The following PSD3 variants were observed in gnomAD, a reference collection of about 807,000 sequenced individuals.
PSD3 encodes the protein PH and SEC7 domain-containing protein 3.
In PSD3, 49 loss-of-function variants were observed where a neutral mutation model predicts 105.5. The ratio of observed to expected loss-of-function variants is 0.46; its 90% CI spans 0.37 to 0.59. The LOEUF is 0.59. Ranked by LOEUF, PSD3 falls within the 20% of genes least tolerant of loss-of-function variation. The probability of loss-of-function intolerance (pLI) is 0.00; values close to 1 mark genes in which losing one functional copy is unlikely to be tolerated. For missense variants in PSD3, 1,561 were observed against 1,263.8 expected, an observed-to-expected ratio of 1.24 and a Z score of -3.57; for synonymous variants, 557 against 457.8, an observed-to-expected ratio of 1.22 and a Z score of -2.77.
intron 1 of PSD3, among the ~76,000 whole-genome samples, chr8:18,959,881 A>C (rs1348229748): frequency 6.6e-6 from 1 of 152,142 alleles, no homozygotes; most frequent in Admixed American, 6.5e-5. Flanking sequence ...CAAATTCACC[A>C]ATCAGATAAG....
At chr8:18,771,953 T>C (rs1387923114) in intron 8 of PSD3, among the ~76,000 whole-genome samples, 1 of 152,224 alleles carries the variant, frequency 6.6e-6, no homozygotes, top group Admixed American at 6.5e-5. Context: ...TTAACAACTT[T>C]ACTTACCTCA....
intron 11 of PSD3, among the ~76,000 whole-genome samples, chr8:18,607,685 A>AG (rs1563372376): frequency 1.6e-5 from 2 of 124,828 alleles, no homozygotes; most frequent in South Asian, 2.5e-4. Context: ...CACTGCTACA[A>AG]AAAAAAAAAA....
chr8:18,674,181 G>C (rs1209141335), intron 9 of PSD3, among the ~76,000 whole-genome samples: 1 of 151,968 alleles, frequency 6.6e-6, no homozygotes, highest in African/African-American at 2.4e-5. Flanking sequence ...AAGGGTATGC[G>C]GCTATCAAAG....
At chr8:19,012,385 C>T (rs914257834) in intron 1 of PSD3, among the ~76,000 whole-genome samples, 22 of 152,208 alleles carry the variant, frequency 1.4e-4, no homozygotes, top group African/African-American at 4.6e-4. Flanking sequence ...AAGAAAACCT[C>T]TTGGTTTGTA....
chr8:18,648,415 A>T (rs2130824790), intron 10 of PSD3, among the ~76,000 whole-genome samples: 1 of 152,306 alleles, frequency 6.6e-6, no homozygotes. Context: ...TGCCCTAGGG[A>T]TCTGTGGAAT....
intron 10 of PSD3, among the ~76,000 whole-genome samples, chr8:18,650,443 T>C (rs1028245850): frequency 6.6e-6 from 1 of 152,230 alleles, no homozygotes; most frequent in Non-Finnish European, 1.5e-5. Context: ...GATGCTTCAC[T>C]AATAATGAAC....
At chr8:18,718,826 C>T (rs1363373027) in intron 9 of PSD3, among the ~76,000 whole-genome samples, 3 of 152,026 alleles carry the variant, frequency 2.0e-5, no homozygotes, top group Non-Finnish European at 4.4e-5. Context: ...TGCAAAAAAA[C>T]CCCACCTAAA....
intron 10 of PSD3, among the ~76,000 whole-genome samples, chr8:18,633,675 G>C (rs1192874170): frequency 6.6e-6 from 1 of 152,060 alleles, no homozygotes; most frequent in Non-Finnish European, 1.5e-5. Flanking sequence ...AGGGCATCTA[G>C]GTTAATTCCA....
At chr8:18,843,035 C>T (rs528466863) in intron 4 of PSD3, among the ~76,000 whole-genome samples, 59 of 152,282 alleles carry the variant, frequency 3.9e-4, no homozygotes, top group African/African-American at 1.4e-3. Flanking sequence ...CTCAAAAAGG[C>T]TGCCTTTGCT....
chr8:18,645,928 C>A (rs2130815111), intron 10 of PSD3, among the ~76,000 whole-genome samples: 1 of 152,206 alleles, frequency 6.6e-6, no homozygotes, highest in East Asian at 1.9e-4. Context: ...AAATGCCAAG[C>A]TCCCTACCTC....
chr8:19,011,249 T>C (rs1024070133), intron 1 of PSD3, among the ~76,000 whole-genome samples: 5 of 152,198 alleles, frequency 3.3e-5, no homozygotes, highest in African/African-American at 1.2e-4. Context: ...CCTCAGCATC[T>C]CTTAACCAAG....
At chr8:18,929,567 G>A (rs1821602191) in intron 2 of PSD3, among the ~76,000 whole-genome samples, 1 of 152,044 alleles carries the variant, frequency 6.6e-6, no homozygotes, top group South Asian at 2.1e-4. Flanking sequence ...ACCCCACCTC[G>A]TAGAAACCCA....
At chr8:18,640,308 T>C (rs1449961083) in intron 10 of PSD3, among the ~76,000 whole-genome samples, 1 of 152,102 alleles carries the variant, frequency 6.6e-6, no homozygotes. Context: ...AGTTTTACCA[T>C]GCAAACCCTC....
chr8:19,025,017 A>G lies in PSD3; in HGVS notation c.324+59189T>C, dbSNP rs73594677. On this transcript the variant is annotated intron_variant, in intron 1 of 1. Coordinates refer to the PSD3 transcript ENST00000521475. ...ACAGGATAGTCATAGCAGAACAGAA[A>G]ATTCCAAGCAGCAGTCTCATGACTA... Among the ~76,000 whole-genome samples the G allele has an allele frequency of 5.0e-3, 762 of 152,276 alleles. 11 individuals are homozygous for G. The highest frequency in any genetic ancestry group is 0.018 in the African/African-American group (740 of 41,548).
At chr8:18,576,811 C>T (rs1369607606) in intron 12 of PSD3, among the ~76,000 whole-genome samples, 2 of 151,996 alleles carry the variant, frequency 1.3e-5, no homozygotes, top group East Asian at 1.9e-4. Context: ...TATGCCACCT[C>T]CATTTCCATA....
chr8:18,944,806 G>A (rs1034933444), intron 1 of PSD3, among the ~76,000 whole-genome samples: 4 of 152,088 alleles, frequency 2.6e-5, no homozygotes, highest in Non-Finnish European at 5.9e-5. Context: ...AGTTGGGACT[G>A]ACAGAAGCCT....
intron 1 of PSD3, among the ~76,000 whole-genome samples, chr8:18,943,067 G>A (rs1397624930): frequency 6.6e-6 from 1 of 152,200 alleles, no homozygotes; most frequent in Non-Finnish European, 1.5e-5. Context: ...CTCTAATCCA[G>A]TGGTTTTCCC....
chr8:18,733,696 A>G (rs562165925), intron 9 of PSD3: 2 of 152,782 alleles, frequency 1.3e-5, no homozygotes, highest in African/African-American at 4.8e-5. Context: ...CTGGTTTATC[A>G]TCATTCCTCC....
chr8:18,665,405 G>A (rs746287003), intron 9 of PSD3, among the ~76,000 whole-genome samples: 1 of 152,178 alleles, frequency 6.6e-6, no homozygotes, highest in African/African-American at 2.4e-5. Context: ...AATTAGACGT[G>A]GAGCCTAAAG....
Sources: gnomAD v4.1 joint callset for allele counts (sites outside exome capture counted in the v4.1 genomes callset) on GRCh38, gnomAD v4.1.1 for gene constraint, MANE v1.5 for transcripts, NCBI Gene and HGNC (gene_info 2026-07-23, HGNC 2026-07-21) for gene names.